The following PM20D2 variants were observed in gnomAD, a reference collection of about 807,000 sequenced individuals.
The protein encoded by PM20D2 is peptidase M20 domain containing 2, also known as xaa-Arg dipeptidase.
In PM20D2, 33 loss-of-function variants were observed where a neutral mutation model predicts 42.9. That is an observed-to-expected ratio of 0.77 (90% CI 0.58 to 1.03). The LOEUF (loss-of-function observed/expected upper bound fraction) is 1.03. PM20D2 is among the 50% of genes least tolerant of loss of function. The pLI, the probability that PM20D2 is intolerant of heterozygous loss-of-function variation, is 0.00. For synonymous variants in PM20D2, 250 were observed against 228.2 expected (o/e 1.10, Z -0.86); for missense variants, 548 against 557.0 (o/e 0.98, Z 0.16).
the PM20D2 span, among the ~76,000 whole-genome samples, chr6:89,131,266 CA>C: frequency 2.6e-5 from 4 of 152,172 alleles, no homozygotes; most frequent in African/African-American, 7.2e-5. Context: ...GACCTAATCA[CA>C]TCTTAAAAGC....
chr6:89,094,187 C>T, the PM20D2 span, among the ~76,000 whole-genome samples: 2 of 151,800 alleles, frequency 1.3e-5, no homozygotes, highest in African/African-American at 4.8e-5. Context: ...TACCAAAGTG[C>T]TGGGATTACA....
chr6:89,117,779 C>G, the PM20D2 span: 1 of 1,519,518 alleles, frequency 6.6e-7, no homozygotes, highest in East Asian at 2.9e-5. Context: ...GGCTGTTACC[C>G]CGCCCCTCCT....
intron 2 of PM20D2, among the ~76,000 whole-genome samples, chr6:89,151,971 C>T (rs78730907): frequency 0.07 from 10,675 of 151,884 alleles, 1,122 homozygotes; most frequent in African/African-American, 0.23. Context: ...CCTGTGGTCT[C>T]AGCTATTCAT....
At chr6:89,153,667 G>A (rs773827930) in intron 3 of PM20D2, among the ~76,000 whole-genome samples, 1 of 152,040 alleles carries the variant, frequency 6.6e-6, no homozygotes, top group African/African-American at 2.4e-5. Flanking sequence ...GTGCAATCTC[G>A]GCTCACTGCA....
At chr6:89,161,729 A>G (rs1771245068) in intron 5 of PM20D2, 54 bp from the exon 6 acceptor site, 1 of 1,369,958 alleles carries the variant, frequency 7.3e-7, no homozygotes, top group Non-Finnish European at 1.0e-6. Context: ...ATAACTCCAG[A>G]ATACTTAACC....
chr6:89,118,477 G>A, the PM20D2 span, among the ~76,000 whole-genome samples: 1 of 152,180 alleles, frequency 6.6e-6, no homozygotes. Context: ...TGAGGTCTCG[G>A]TTTTGTTCGG....
chr6:89,135,909 C>T, the PM20D2 span, among the ~76,000 whole-genome samples: 1 of 151,118 alleles, frequency 6.6e-6, no homozygotes, highest in Non-Finnish European at 1.5e-5. Flanking sequence ...CTTGTTTCCC[C>T]TTCACTATCC....
Position 89,158,296 on chromosome 6 carries a change from T to C in PM20D2, c.913-29T>C, listed in dbSNP as rs1438860081. The C allele has an allele frequency of 2.6e-6, 4 of 1,554,990 alleles. No homozygotes were observed. The South Asian group carries it at 3.6e-5, about 14-fold the overall frequency. Reference sequence around the variant, plus strand: ...AGATAGTGAATTTGAGTTTTTTATTTCAAAATTTGTTTTGCAATTTTTTAT... The same window carrying C: ...AGATAGTGAATTTGAGTTTTTTATTCCAAAATTTGTTTTGCAATTTTTTAT... On this transcript the variant is annotated intron_variant, in intron 4 of 6. Coordinates refer to ENST00000275072, the MANE Select transcript of PM20D2 (RefSeq NM_001010853.3).
At chr6:89,136,534 C>T in the PM20D2 span, among the ~76,000 whole-genome samples, 5 of 150,460 alleles carry the variant, frequency 3.3e-5, no homozygotes, top group East Asian at 7.7e-4. Flanking sequence ...AAAAATCAGC[C>T]GGGCGTGGTG....
chr6:89,148,667 A>T, intron 1 of PM20D2: 2 of 681,682 alleles, frequency 2.9e-6, no homozygotes, highest in Non-Finnish European at 3.6e-6. Flanking sequence ...GACTTTTAAA[A>T]TAGGTAGCCC....
chr6:89,149,713 T>C (rs1161001948), intron 2 of PM20D2, among the ~76,000 whole-genome samples: 4 of 152,240 alleles, frequency 2.6e-5, no homozygotes, highest in Non-Finnish European at 5.9e-5. Flanking sequence ...AAAACATCTG[T>C]CCTTTCATAT....
intron 5 of PM20D2, among the ~76,000 whole-genome samples, chr6:89,159,537 G>A (rs186873234): frequency 7.9e-5 from 12 of 152,326 alleles, no homozygotes; most frequent in Middle Eastern, 3.4e-3. Context: ...GGCATTGACT[G>A]CTGAGATAGT....
At chr6:89,098,051 C>CTAT in the PM20D2 span, 4 of 152,640 alleles carry the variant, frequency 2.6e-5, no homozygotes, top group African/African-American at 9.7e-5. Context: ...TGTTTGATCT[C>CTAT]TATATATATT....
chr6:89,103,994 T>TC, the PM20D2 span, among the ~76,000 whole-genome samples: 1 of 17,652 alleles, frequency 5.7e-5, no homozygotes, highest in African/African-American at 1.4e-4. Flanking sequence ...TATATTTCTT[T>TC]TTTTTTTTTT....
chr6:89,119,860 T>A, the PM20D2 span, among the ~76,000 whole-genome samples: 1 of 152,218 alleles, frequency 6.6e-6, no homozygotes. Flanking sequence ...TTGCCTAGGC[T>A]GATTTCAAAC....
chr6:89,131,560 C>T, the PM20D2 span, among the ~76,000 whole-genome samples: 3 of 152,008 alleles, frequency 2.0e-5, no homozygotes, highest in Non-Finnish European at 1.5e-5. Context: ...TTGAACCTAT[C>T]CTTTCTCTTG....
At chr6:89,115,425 G>A in the PM20D2 span, among the ~76,000 whole-genome samples, 2 of 152,018 alleles carry the variant, frequency 1.3e-5, no homozygotes, top group Non-Finnish European at 2.9e-5. Flanking sequence ...TGGGATTACA[G>A]GCGCCAGCCA....
chr6:89,132,222 A>T, the PM20D2 span, among the ~76,000 whole-genome samples: 43 of 152,234 alleles, frequency 2.8e-4, no homozygotes, highest in Non-Finnish European at 4.7e-4. Context: ...CCTAGCAGTC[A>T]TCACTTCATA....
chr6:89,150,872 G>A (rs559865207), intron 2 of PM20D2, among the ~76,000 whole-genome samples: 1 of 151,688 alleles, frequency 6.6e-6, no homozygotes, highest in Middle Eastern at 3.4e-3. Flanking sequence ...AGAAAAGAGA[G>A]GTCAGGTGCA....
Sources: allele counts gnomAD v4.1 joint callset (sites outside exome capture counted in the v4.1 genomes callset), GRCh38; gene constraint gnomAD v4.1.1; transcripts MANE v1.5; gene names NCBI Gene and HGNC (gene_info 2026-07-23, HGNC 2026-07-21).